MSR1: variants seen among roughly 807,000 people sequenced by gnomAD.
The protein encoded by MSR1 is macrophage scavenger receptor types I and II.
MSR1 carries 53 observed loss-of-function variants against 47.2 expected under a neutral mutation model. The observed-to-expected ratio is 1.12, with a 90% CI of 0.90 to 1.41. The LOEUF (loss-of-function observed/expected upper bound fraction) is 1.41, where lower values mean the gene tolerates loss of function less well. MSR1 is among the 40% of genes most tolerant of loss of function. The probability of loss-of-function intolerance (pLI) is 0.00; values close to 1 mark genes in which losing one functional copy is unlikely to be tolerated. For synonymous variants in MSR1, 239 were observed against 185.6 expected (o/e 1.29, Z -2.34); for missense variants, 786 against 546.9 (o/e 1.44, Z -4.36).
At chr8:16,168,400 G>T in intron 4 of MSR1, 58 bp downstream of exon 4, 3 of 1,588,024 alleles carry the variant, frequency 1.9e-6, no homozygotes, top group Non-Finnish European at 2.6e-6. Flanking sequence ...TGCCTAAGGA[G>T]ACGAGACTTG....
intron 5 of MSR1, among the ~76,000 whole-genome samples, chr8:16,162,898 T>A (rs1292608827): frequency 6.6e-6 from 1 of 151,718 alleles, no homozygotes; most frequent in Non-Finnish European, 1.5e-5. Flanking sequence ...CTCCACAAGA[T>A]TGTCTGTATA....
intron 8 of MSR1, among the ~76,000 whole-genome samples, chr8:16,143,253 T>A (rs1172910050): frequency 1.3e-5 from 2 of 152,124 alleles, no homozygotes; most frequent in African/African-American, 4.8e-5. Flanking sequence ...ATAAGCTTGA[T>A]TTTCCCTTAG....
At chr8:16,147,658 C>A (rs556942780) in intron 7 of MSR1, among the ~76,000 whole-genome samples, 1 of 152,260 alleles carries the variant, frequency 6.6e-6, no homozygotes, top group Admixed American at 6.5e-5. Flanking sequence ...TTAGCACCTT[C>A]TTCAGACTCT....
chr8:16,150,567 AAAATAG>A (rs1205697568), intron 6 of MSR1, among the ~76,000 whole-genome samples: 1 of 152,242 alleles, frequency 6.6e-6, no homozygotes, highest in East Asian at 1.9e-4. Context: ...CACATTAGGA[AAAATAG>A]ATCTTGGAGT....
At position 16,110,079 on chromosome 8, in the gene MSR1, G is replaced by C. The variant is rs772236438; in HGVS notation, c.*6C>G. On this transcript the variant is annotated 3_prime_UTR_variant, in exon 10 of 10. Transcript: ENST00000262101. ...ATTTCATAGTTGTGAATGAAAATATGATGCATTATAAAGTGCAAGTGACTC... is the reference window on the plus strand; with the variant it reads ...ATTTCATAGTTGTGAATGAAAATATCATGCATTATAAAGTGCAAGTGACTC... 2 of 1,613,254 alleles carry C rather than the reference G, an allele frequency of 1.2e-6. No individual in the cohort carries two copies. The highest frequency in any genetic ancestry group is 8.5e-7 in the Non-Finnish European group (1 of 1,179,504).
At chr8:16,147,780 T>G (rs1480599097) in intron 7 of MSR1, among the ~76,000 whole-genome samples, 2 of 152,188 alleles carry the variant, frequency 1.3e-5, no homozygotes, top group African/African-American at 4.8e-5. Context: ...TAAGAAGTGA[T>G]GTCCTAAGGA....
chr8:16,174,651 G>T (rs570967864), intron 3 of MSR1, among the ~76,000 whole-genome samples: 7 of 152,072 alleles, frequency 4.6e-5, no homozygotes, highest in Non-Finnish European at 8.8e-5. Flanking sequence ...GAAAAATGTG[G>T]TCATATAAGC....
rs147502091 is a variant in MSR1 at position 16,164,594 on chromosome 8, C to G, written c.631-343G>C. On this transcript the variant is annotated intron_variant, in intron 4 of 9. Transcript: ENST00000262101. ...TCTTAATTTATCTGAAGTAAAATGT[C>G]TTCGTACTGTACTTACAGTGGCAAC... 2.5e-3 allele frequency among the ~76,000 whole-genome samples: 374 copies of G among 151,950 alleles called. 1 individual carries two copies. Among genetic ancestry groups the G allele is most frequent in the Admixed American group, 3.9e-3 (60 of 15,264 alleles).
chr8:16,120,495 C>T lies in MSR1; in HGVS notation c.1145G>A (p.Arg382His), dbSNP rs1028335673. The T allele has an allele frequency of 5.6e-6, 9 of 1,613,740 alleles. No individual in the cohort carries two copies. The highest frequency in any genetic ancestry group is 2.7e-5 in the African/African-American group (2 of 74,852). Reference sequence around the variant, plus strand: ...GCTCCTACAGACGACCTGTCCAACGCGCACTTCCCAGCGATCGTCACAAAT... The same window carrying T: ...GCTCCTACAGACGACCTGTCCAACGTGCACTTCCCAGCGATCGTCACAAAT... ...GTICDDRWEV[R>H]VGQVVCRSLG... is the part of the protein sequence containing the mutation. Residue 382 changes from arginine to histidine, a missense_variant, in exon 9 of 10, where the codon CGC becomes CAC. Transcript: ENST00000262101.
At chr8:16,170,176 C>T (rs933171605) in intron 3 of MSR1, among the ~76,000 whole-genome samples, 11 of 151,942 alleles carry the variant, frequency 7.2e-5, no homozygotes, top group Admixed American at 4.6e-4. Context: ...GATGAAACCC[C>T]GTCTCTGCTA....
At chr8:16,152,404 A>G (rs1223315498) in intron 6 of MSR1, among the ~76,000 whole-genome samples, 1 of 152,116 alleles carries the variant, frequency 6.6e-6, no homozygotes, top group East Asian at 1.9e-4. Flanking sequence ...GTGGATATAA[A>G]CATTAATAAA....
At chr8:16,140,290 A>AC in intron 8 of MSR1, 12 of 984,504 alleles carry the variant, frequency 1.2e-5, no homozygotes, top group Non-Finnish European at 1.4e-5. Flanking sequence ...AACAAGAAAA[A>AC]GAAAAAAAAA....
rs773679023 is a variant in MSR1, at chr8:16,175,219, G to A, written c.185C>T (p.Ala62Val). The A allele has an allele frequency of 1.2e-6, 2 of 1,613,982 alleles. No homozygotes were observed. The highest frequency in any genetic ancestry group is 1.1e-5 in the South Asian group (1 of 91,076). ...TATTCCAATGAGAGGGATGAGAACT[G>A]CAAACACGAGGAGGTAAAGGGCAAT... is the stretch of plus-strand genomic sequence containing the variant. ...ALIALYLLVF[A>V]VLIPLIGIVA... Residue 62 changes from alanine (A) to valine (V), a missense_variant, in exon 3 of 10, where the codon GCA becomes GTA. Coordinates refer to ENST00000262101, the MANE Select transcript of MSR1 (RefSeq NM_138715.3).
At chr8:16,147,311 A>G (rs1800727635) in intron 7 of MSR1, among the ~76,000 whole-genome samples, 1 of 151,946 alleles carries the variant, frequency 6.6e-6, no homozygotes, top group Admixed American at 6.6e-5. Flanking sequence ...TTCACCCTTC[A>G]TTTCCCTGTT....
intron 1 of MSR1, among the ~76,000 whole-genome samples, chr8:16,192,263 T>A (rs892525140): frequency 1.8e-4 from 27 of 152,158 alleles, no homozygotes; most frequent in African/African-American, 6.3e-4. Context: ...ATACTTTGAA[T>A]AAAACCAGTA....
intron 6 of MSR1, among the ~76,000 whole-genome samples, chr8:16,150,651 A>C (rs1585163720): frequency 6.6e-6 from 1 of 152,252 alleles, no homozygotes; most frequent in South Asian, 2.1e-4. Flanking sequence ...TAGCTGAAAT[A>C]ATAACTTTAA....
chr8:16,190,890 T>G (rs1802181700), intron 1 of MSR1, among the ~76,000 whole-genome samples: 1 of 151,912 alleles, frequency 6.6e-6, no homozygotes, highest in South Asian at 2.1e-4. Context: ...CCCGGCTAAT[T>G]TTGTATTTTC....
chr8:16,127,588 A>T (rs182633703), intron 8 of MSR1, among the ~76,000 whole-genome samples: 1 of 152,260 alleles, frequency 6.6e-6, no homozygotes, highest in East Asian at 1.9e-4. Context: ...GTAGAGACAG[A>T]GTTATTTTGA....
At chr8:16,143,266 G>GAT (rs1429584043) in intron 8 of MSR1, among the ~76,000 whole-genome samples, 15 of 152,158 alleles carry the variant, frequency 9.9e-5, no homozygotes, top group Non-Finnish European at 2.1e-4. Context: ...TCCCTTAGTG[G>GAT]ATAGAAATTG....
Sources: gnomAD v4.1 joint callset for allele counts (sites outside exome capture counted in the v4.1 genomes callset) on GRCh38, gnomAD v4.1.1 for gene constraint, MANE v1.5 for transcripts, NCBI Gene and HGNC (gene_info 2026-07-23, HGNC 2026-07-21) for gene names.